DLGAP1: variants seen among roughly 807,000 people sequenced by gnomAD.
DLGAP1 encodes the protein disks large-associated protein 1.
Under a neutral mutation model 90.8 loss-of-function variants are expected in DLGAP1, and 11 were observed. The ratio of observed to expected loss-of-function variants is 0.12; its 90% CI spans 0.08 to 0.20. DLGAP1 has a LOEUF of 0.20. Ranked by LOEUF, DLGAP1 falls within the 10% of genes least tolerant of loss-of-function variation. The pLI, the probability that DLGAP1 is intolerant of heterozygous loss-of-function variation, is 1.00. For synonymous variants in DLGAP1, 558 were observed against 540.7 expected, an observed-to-expected ratio of 1.03 and a Z score of -0.44; for missense variants, 1,050 against 1,333.8, an observed-to-expected ratio of 0.79 and a Z score of 3.31.
intron 5 of DLGAP1, 36 bp from the exon 6 acceptor site, chr18:3,742,548 A>T (rs1387713979): frequency 1.2e-6 from 2 of 1,608,870 alleles, no homozygotes; most frequent in East Asian, 4.5e-5. Flanking sequence ...CATTAGTCAC[A>T]TTCCAAAATG....
At chr18:3,745,978 C>A (rs775025156) in intron 5 of DLGAP1, among the ~76,000 whole-genome samples, 19 of 152,162 alleles carry the variant, frequency 1.2e-4, no homozygotes, top group Non-Finnish European at 1.9e-4. Context: ...AGTGTGCCAC[C>A]ATGCCCGGCC....
At chr18:3,803,078 C>T (rs1017060382) in intron 5 of DLGAP1, among the ~76,000 whole-genome samples, 1 of 152,052 alleles carries the variant, frequency 6.6e-6, no homozygotes, top group African/African-American at 2.4e-5. Flanking sequence ...TAGAGCGTGT[C>T]GATTTCCATG....
At chr18:4,392,805 T>C (rs553980870) in intron 1 of DLGAP1, among the ~76,000 whole-genome samples, 4 of 152,288 alleles carry the variant, frequency 2.6e-5, no homozygotes, top group Admixed American at 2.6e-4. Context: ...CGCTGCAAAC[T>C]TAGAATGAGC....
In DLGAP1 at chr18:3,600,732, A is replaced by ATCTGTAGC. The variant is rs1568277439; in HGVS notation, c.1592-18485_1592-18484insGCTACAGA. Among the ~76,000 whole-genome samples, 48 of 33,964 alleles carry ATCTGTAGC rather than the reference A, an allele frequency of 1.4e-3. 2 individuals are homozygous for ATCTGTAGC. Among genetic ancestry groups the ATCTGTAGC allele is most frequent in the Admixed American group, 2.6e-3 (10 of 3,786 alleles). 22.3% of individuals were successfully genotyped at this position (33,964 alleles called of 152,430 possible). ...GCTATATAGATATAGAGATATAGAT[A>ATCTGTAGC]TATATAGATATATAGATATATATAG... On this transcript the variant is annotated intron_variant, in intron 7 of 12. Coordinates refer to ENST00000315677, the MANE Select transcript of DLGAP1 (RefSeq NM_004746.4).
intron 12 of DLGAP1, among the ~76,000 whole-genome samples, chr18:3,500,020 G>A (rs1242503097): frequency 1.3e-5 from 2 of 152,156 alleles, no homozygotes; most frequent in Non-Finnish European, 2.9e-5. Flanking sequence ...ACAGGGTCAC[G>A]GGAGAGGGAG....
At chr18:4,418,868 A>C (rs1004463301) in intron 1 of DLGAP1, among the ~76,000 whole-genome samples, 4 of 140,374 alleles carry the variant, frequency 2.8e-5, no homozygotes, top group African/African-American at 9.9e-5. Context: ...CAAAACAAAA[A>C]AAAAACCTCA....
rs1450838850 is a variant in DLGAP1 at position 3,499,105 on chromosome 18, G to C, written c.*80C>G. On this transcript the variant is annotated 3_prime_UTR_variant, in exon 13 of 13. Transcript: ENST00000315677. The surrounding 1 kb of genome is among the most constrained non-coding windows in gnomAD (Gnocchi z 6.4). Reference sequence around the variant, plus strand: ...GAGCTCGGGAGCGGACGGGCTCGGAGGGGGAGAGGCAGCCGGCAGAGGAGC... The same window carrying C: ...GAGCTCGGGAGCGGACGGGCTCGGACGGGGAGAGGCAGCCGGCAGAGGAGC... 2.3e-6 allele frequency: 3 copies of C among 1,312,526 alleles called. No individual in the cohort carries two copies. The highest frequency in any genetic ancestry group is 1.5e-5 in the African/African-American group (1 of 64,556). The allele number at this position is 1,312,526 out of a possible 1,614,324, so 81.3% of individuals were successfully genotyped here.
At chr18:3,840,428 C>T (rs973686238) in intron 4 of DLGAP1, among the ~76,000 whole-genome samples, 1 of 152,202 alleles carries the variant, frequency 6.6e-6, no homozygotes, top group African/African-American at 2.4e-5. Context: ...ATCTTCACAA[C>T]CAAGAGCAAA....
chr18:3,828,424 G>C (rs970380067), intron 4 of DLGAP1, among the ~76,000 whole-genome samples: 17 of 152,204 alleles, frequency 1.1e-4, no homozygotes, highest in Middle Eastern at 3.4e-3. Flanking sequence ...AGGCTTGCTT[G>C]AGCCCAGGTG....
chr18:4,128,539 A>G (rs573153553), intron 2 of DLGAP1, among the ~76,000 whole-genome samples: 1 of 152,246 alleles, frequency 6.6e-6, no homozygotes, highest in South Asian at 2.1e-4. Context: ...ATGCTTTACA[A>G]TTTCCTATGG....
chr18:3,720,830 C>G lies in DLGAP1; in HGVS notation c.1591+8305G>C, dbSNP rs554482390. Among the ~76,000 whole-genome samples, 3 of 138,550 alleles carry G rather than the reference C, an allele frequency of 2.2e-5. No individual in the cohort carries two copies. In the South Asian group the frequency reaches 6.8e-4, roughly 32 times the overall value. 90.9% of individuals were successfully genotyped at this position (138,550 alleles called of 152,430 possible). On this transcript the variant is annotated intron_variant, in intron 7 of 12. Transcript: ENST00000315677. ...ACTTTGGGAGGCTGAGGCAGGAGGA[C>G]TGGTTTAGCCCAGGAGTTTGAGATC...
intron 5 of DLGAP1, among the ~76,000 whole-genome samples, chr18:3,763,847 A>G (rs1320654091): frequency 2.0e-5 from 3 of 151,070 alleles, no homozygotes; most frequent in Non-Finnish European, 2.9e-5. Context: ...TATTTAGTAC[A>G]GATGGGGTTT....
intron 2 of DLGAP1, among the ~76,000 whole-genome samples, chr18:4,057,000 TACATACACACACACAC>T (rs1392114696): frequency 1.9e-4 from 18 of 94,996 alleles, no homozygotes; most frequent in East Asian, 6.1e-4. Flanking sequence ...CAACTGACCA[TACATACACACACACAC>T]ACACACACAC....
At chr18:4,175,061 C>T (rs1329007446) in intron 1 of DLGAP1, among the ~76,000 whole-genome samples, 1 of 152,124 alleles carries the variant, frequency 6.6e-6, no homozygotes, top group African/African-American at 2.4e-5. Flanking sequence ...CATTCCTATT[C>T]CTCCACAGCC....
intron 7 of DLGAP1, among the ~76,000 whole-genome samples, chr18:3,615,804 A>C (rs182437088): frequency 1.7e-3 from 266 of 152,296 alleles, no homozygotes; most frequent in African/African-American, 5.8e-3. Flanking sequence ...TGAGAGGTAA[A>C]AATTTAGCTA....
At chr18:3,993,601 C>T (rs2074010774) in intron 3 of DLGAP1, among the ~76,000 whole-genome samples, 1 of 152,074 alleles carries the variant, frequency 6.6e-6, no homozygotes, top group African/African-American at 2.4e-5. Flanking sequence ...TTTATTTTCC[C>T]TGGTGGAGTT....
At chr18:4,115,494 C>CTTTCTTTCT (rs554720987) in intron 2 of DLGAP1, among the ~76,000 whole-genome samples, 6 of 146,508 alleles carry the variant, frequency 4.1e-5, no homozygotes, top group South Asian at 4.2e-4. Flanking sequence ...TTCTTTCTTT[C>CTTTCTTTCT]TTTTTTTTTG....
Position 3,711,849 on chromosome 18 carries a change from A to G in DLGAP1, c.1591+17286T>C, listed in dbSNP as rs1346484311. Among the ~76,000 whole-genome samples the G allele has an allele frequency of 2.0e-5, 3 of 152,142 alleles. No homozygotes were observed. On this transcript the variant is annotated intron_variant, in intron 7 of 12. Coordinates refer to ENST00000315677, the MANE Select transcript of DLGAP1 (RefSeq NM_004746.4). This position sits in a 1 kb window ranked among gnomAD's most constrained non-coding sequence, Gnocchi z 4.0. ...GTGAGACCTTGTCTCAAAAAGAAAG[A>G]AAAAGAAAAAAATAAAAAAAGGAAG...
intron 1 of DLGAP1, among the ~76,000 whole-genome samples, chr18:4,381,337 A>G (rs1268770813): frequency 6.6e-6 from 1 of 152,176 alleles, no homozygotes; most frequent in East Asian, 1.9e-4. Context: ...TTTACATCAT[A>G]TAATATAAGC....
Sources: gnomAD v4.1 joint callset for allele counts (sites outside exome capture counted in the v4.1 genomes callset) on GRCh38, gnomAD v4.1.1 for gene constraint, Gnocchi (gnomAD v3.1) non-coding constraint, MANE v1.5 for transcripts, NCBI Gene and HGNC (gene_info 2026-07-23, HGNC 2026-07-21) for gene names.